The following LRP1B variants were observed in gnomAD, a reference collection of about 807,000 sequenced individuals.
The protein encoded by LRP1B is LDL receptor related protein 1B, also known as low-density lipoprotein receptor-related protein 1B.
LRP1B carries 217 observed loss-of-function variants against 556.6 expected under a neutral mutation model. The observed-to-expected ratio is 0.39, with a 90% CI of 0.35 to 0.44. LRP1B has a LOEUF of 0.44. LRP1B is among the 20% of genes least tolerant of loss of function. The pLI, the probability that LRP1B is intolerant of heterozygous loss-of-function variation, is 1.00. For synonymous variants in LRP1B, 2,047 were observed against 1,865.8 expected, an observed-to-expected ratio of 1.10 and a Z score of -2.50; for missense variants, 5,053 against 5,620.8, an observed-to-expected ratio of 0.90 and a Z score of 3.23.
chr2:141,014,888 T>A (rs1306933108), intron 13 of LRP1B, among the ~76,000 whole-genome samples: 1 of 152,130 alleles, frequency 6.6e-6, no homozygotes, highest in African/African-American at 2.4e-5. Flanking sequence ...AACAGAGCAG[T>A]CTTAACTGAT....
intron 2 of LRP1B, among the ~76,000 whole-genome samples, chr2:141,734,809 A>C (rs540670802): frequency 6.6e-6 from 1 of 152,158 alleles, no homozygotes; most frequent in Non-Finnish European, 1.5e-5. Flanking sequence ...AATAACAAAG[A>C]TAGAGACCAG....
chr2:142,030,961 T>G (rs1382009000), intron 1 of LRP1B, among the ~76,000 whole-genome samples: 1 of 151,950 alleles, frequency 6.6e-6, no homozygotes, highest in Non-Finnish European at 1.5e-5. Context: ...GATGTCGCAA[T>G]TTTGTTCTTA....
At chr2:140,413,167 T>C (rs921875385) in intron 66 of LRP1B, among the ~76,000 whole-genome samples, 41 of 152,110 alleles carry the variant, frequency 2.7e-4, no homozygotes, top group African/African-American at 9.7e-4. Flanking sequence ...ATAAATGTAA[T>C]ACACACACAA....
At chr2:141,087,723 G>A (rs986098874) in intron 7 of LRP1B, among the ~76,000 whole-genome samples, 3 of 152,140 alleles carry the variant, frequency 2.0e-5, no homozygotes, top group East Asian at 1.9e-4. Context: ...CATGATGCTC[G>A]AGTGGAAACT....
At chr2:141,583,886 T>C (rs140361133) in intron 2 of LRP1B, among the ~76,000 whole-genome samples, 3,590 of 150,066 alleles carry the variant, frequency 0.024, 158 homozygotes, top group African/African-American at 0.081. Context: ...ACTACAGCCA[T>C]GCACCACCAT....
chr2:140,864,514 T>C (rs1321075782), intron 27 of LRP1B, among the ~76,000 whole-genome samples: 2 of 152,186 alleles, frequency 1.3e-5, no homozygotes, highest in African/African-American at 2.4e-5. Context: ...AAAAATGATA[T>C]AAGTGCACAT....
At chr2:141,381,110 T>C (rs1689626287) in intron 3 of LRP1B, among the ~76,000 whole-genome samples, 1 of 152,028 alleles carries the variant, frequency 6.6e-6, no homozygotes, top group African/African-American at 2.4e-5. Flanking sequence ...AGATACATGA[T>C]TTGTCCTATA....
intron 35 of LRP1B, among the ~76,000 whole-genome samples, chr2:140,762,153 TACA>T (rs1338324625): frequency 1.3e-5 from 2 of 152,002 alleles, no homozygotes; most frequent in African/African-American, 4.8e-5. Flanking sequence ...CAATCATAAT[TACA>T]ACAAGATTAA....
intron 2 of LRP1B, among the ~76,000 whole-genome samples, chr2:141,556,684 C>T (rs13030953): frequency 0.078 from 11,770 of 151,824 alleles, 560 homozygotes; most frequent in South Asian, 0.14. Context: ...GGGTTAAGAA[C>T]ATGAGAGTTT....
chr2:141,121,132 T>A (rs968552651), intron 7 of LRP1B, among the ~76,000 whole-genome samples: 2 of 152,134 alleles, frequency 1.3e-5, no homozygotes, highest in Non-Finnish European at 2.9e-5. Flanking sequence ...TCTGTGTAAA[T>A]CTCAGTTTCC....
chr2:141,834,357 A>G (rs1049785152), intron 1 of LRP1B, among the ~76,000 whole-genome samples: 5 of 151,904 alleles, frequency 3.3e-5, no homozygotes, highest in Non-Finnish European at 7.4e-5. Context: ...TCAGCCATAT[A>G]ACGAAGAGAC....
chr2:140,424,290 A>G (rs1012221620), intron 66 of LRP1B, among the ~76,000 whole-genome samples: 17 of 152,226 alleles, frequency 1.1e-4, no homozygotes, highest in Non-Finnish European at 2.9e-5. Context: ...GAAGTATTTA[A>G]AATTCTTCTC....
At chr2:140,981,911 T>C (rs1696780862) in intron 18 of LRP1B, among the ~76,000 whole-genome samples, 1 of 152,184 alleles carries the variant, frequency 6.6e-6, no homozygotes, top group Non-Finnish European at 1.5e-5. Flanking sequence ...CACTTCCTAA[T>C]AAAATCTGCA....
At chr2:140,703,872 T>C (rs1686733740) in intron 37 of LRP1B, among the ~76,000 whole-genome samples, 1 of 152,266 alleles carries the variant, frequency 6.6e-6, no homozygotes, top group Non-Finnish European at 1.5e-5. Flanking sequence ...TATTCCACAG[T>C]ATAGATGTAC....
chr2:141,616,209 G>C (rs1298662179), intron 2 of LRP1B, among the ~76,000 whole-genome samples: 1 of 151,636 alleles, frequency 6.6e-6, no homozygotes, highest in Non-Finnish European at 1.5e-5. Context: ...TTGAACCCAG[G>C]AGACGGAGGT....
rs1262115918 is a variant in LRP1B, at chr2:141,894,467, A to C, written c.83-84066T>G. 4.6e-5 allele frequency among the ~76,000 whole-genome samples: 7 copies of C among 151,810 alleles called. No individual in the cohort carries two copies. The East Asian group carries it at 1.4e-3, about 30-fold the overall frequency. Reference sequence around the variant, plus strand: ...GGGCTTTTCAAATAAATATTGCTTTATTTAATTGTCACAAACCAGCTGTAA... The same window carrying C: ...GGGCTTTTCAAATAAATATTGCTTTCTTTAATTGTCACAAACCAGCTGTAA... On this transcript the variant is annotated intron_variant, in intron 1 of 90. Transcript: ENST00000389484.
chr2:140,943,469 A>G (rs998943929), intron 20 of LRP1B, among the ~76,000 whole-genome samples: 1 of 152,094 alleles, frequency 6.6e-6, no homozygotes, highest in Non-Finnish European at 1.5e-5. Context: ...ACCAGAATAT[A>G]TACTCTTCTC....
At chr2:141,816,208 G>A (rs1696540994) in intron 1 of LRP1B, among the ~76,000 whole-genome samples, 1 of 152,148 alleles carries the variant, frequency 6.6e-6, no homozygotes, top group African/African-American at 2.4e-5. Context: ...CAACTTGATT[G>A]CATTGAAGGA....
intron 75 of LRP1B, among the ~76,000 whole-genome samples, chr2:140,355,915 G>T (rs1383797052): frequency 6.6e-6 from 1 of 151,840 alleles, no homozygotes; most frequent in East Asian, 1.9e-4. Flanking sequence ...TTTAAAACAT[G>T]GTTTTAGGAC....
Sources: allele counts gnomAD v4.1 joint callset (sites outside exome capture counted in the v4.1 genomes callset), GRCh38; gene constraint gnomAD v4.1.1; transcripts MANE v1.5; gene names NCBI Gene and HGNC (gene_info 2026-07-23, HGNC 2026-07-21).